The following PPP2R1A variants were observed in gnomAD, a reference collection of about 807,000 sequenced individuals.
PPP2R1A encodes protein phosphatase 2 scaffold subunit Aalpha.
In PPP2R1A, 15 loss-of-function variants were observed where a neutral mutation model predicts 67.1. That is an observed-to-expected ratio of 0.22 (90% CI 0.15 to 0.34). The LOEUF (loss-of-function observed/expected upper bound fraction) is 0.34. PPP2R1A is among the 10% of genes least tolerant of loss of function. The pLI is 1.00. For missense variants in PPP2R1A, 369 were observed against 775.0 expected (o/e 0.48, Z 6.22); for synonymous variants, 337 against 325.0 (o/e 1.04, Z -0.40).
In PPP2R1A at chr19:52,216,478, G is replaced by A. The variant is rs779272505; in HGVS notation, c.994-51G>A. 7.5e-6 allele frequency: 12 copies of A among 1,610,526 alleles called. No homozygotes were observed. Among genetic ancestry groups the A allele is most frequent in the Non-Finnish European group, 1.0e-5 (12 of 1,177,694 alleles). ...GGAGTTGGCATCTGCTTAGCCACTT[G>A]CTGCTGCAGGGGTTGCACTGACCCC... On this transcript the variant is annotated intron_variant, in intron 8 of 14. Coordinates refer to ENST00000322088, the MANE Select transcript of PPP2R1A (RefSeq NM_014225.6). This position sits in a 1 kb window ranked among gnomAD's most constrained non-coding sequence, Gnocchi z 4.3.
At chr19:52,221,236 T>C in intron 12 of PPP2R1A, 103 bp downstream of exon 12, 1 of 1,467,402 alleles carries the variant, frequency 6.8e-7, no homozygotes, top group African/African-American at 1.4e-5. Context: ...GGCTTGGGAA[T>C]GGAGACATGG....
intron 3 of PPP2R1A, among the ~76,000 whole-genome samples, chr19:52,210,562 G>T (rs776869176): frequency 6.7e-6 from 1 of 149,026 alleles, no homozygotes; most frequent in Non-Finnish European, 1.5e-5. Flanking sequence ...GTGCGATCTC[G>T]GCTTACTGCA....
At position 52,211,601 on chromosome 19, in the gene PPP2R1A, C is replaced by T. The variant is rs2089671468; in HGVS notation, c.503+109C>T. 8.9e-7 allele frequency: 1 copy of T among 1,121,778 alleles called. No homozygotes were observed. The highest frequency in any genetic ancestry group is 2.5e-5 in the Admixed American group (1 of 40,694). 69.5% of individuals were successfully genotyped at this position (1,121,778 alleles called of 1,614,324 possible). On this transcript the variant is annotated intron_variant, in intron 4 of 14. Transcript: ENST00000322088. This position sits in a 1 kb window ranked among gnomAD's most constrained non-coding sequence, Gnocchi z 5.3. ...TGGGGCCCAAATGCCCCTGAACTCT[C>T]TCCACTCCCACTCCTGCTTACCACC...
chr19:52,216,099 A>G lies in PPP2R1A; in HGVS notation c.993+25A>G, dbSNP rs758134324. On this transcript the variant is annotated intron_variant, in intron 8 of 14. Coordinates refer to ENST00000322088, the MANE Select transcript of PPP2R1A (RefSeq NM_014225.6). This position sits in a 1 kb window ranked among gnomAD's most constrained non-coding sequence, Gnocchi z 4.3. ...GGTAACAGAGAGTTTGATGGGAGGA[A>G]CCAAGTGGATCCGAGCCTGCCAAAA... The G allele has an allele frequency of 1.3e-6, 2 of 1,599,640 alleles. No individual in the cohort carries two copies. Among genetic ancestry groups the G allele is most frequent in the Non-Finnish European group, 1.7e-6 (2 of 1,166,878 alleles).
chr19:52,211,557 A>G lies in PPP2R1A; in HGVS notation c.503+65A>G. On this transcript the variant is annotated intron_variant, in intron 4 of 14. Coordinates refer to ENST00000322088, the MANE Select transcript of PPP2R1A (RefSeq NM_014225.6). This position sits in a 1 kb window ranked among gnomAD's most constrained non-coding sequence, Gnocchi z 5.3. ...CAGCTCCAACCTTCTCTAAAGCCTC[A>G]GACTCCTTTTGGTCTAGCTGGGGCC... 6.6e-7 allele frequency: 1 copy of G among 1,514,828 alleles called. No individual in the cohort carries two copies. The allele number at this position is 1,514,828 out of a possible 1,614,324, so 93.8% of individuals were successfully genotyped here. A position where few individuals can be genotyped will look rare whatever the true frequency, so the allele number is the denominator to read the frequency against.
intron 3 of PPP2R1A, among the ~76,000 whole-genome samples, chr19:52,210,911 T>C (rs188803217): frequency 2.0e-5 from 3 of 152,214 alleles, no homozygotes; most frequent in African/African-American, 4.8e-5. Context: ...TTCTACACAG[T>C]GTCAGTGATG....
Position 52,212,434 on chromosome 19 carries a change from A to G in PPP2R1A, c.504-252A>G. 1.9e-6 allele frequency: 1 copy of G among 523,528 alleles called. No individual in the cohort carries two copies. Among genetic ancestry groups the G allele is most frequent in the South Asian group, 2.3e-5 (1 of 44,444 alleles). 32.4% of individuals were successfully genotyped at this position (523,528 alleles called of 1,614,324 possible). A position where few individuals can be genotyped will look rare whatever the true frequency, so the allele number is the denominator to read the frequency against. On this transcript the variant is annotated intron_variant, in intron 4 of 14. Coordinates refer to ENST00000322088, the MANE Select transcript of PPP2R1A (RefSeq NM_014225.6). The surrounding 1 kb of genome is among the most constrained non-coding windows in gnomAD (Gnocchi z 4.1). ...AATGATGTAATCGTCAGCACTTAGC[A>G]TTGACTAGATTTATTATGCGCAATC...
At position 52,215,773 on chromosome 19, in the gene PPP2R1A, C is replaced by A. The variant is rs1023697423; in HGVS notation, c.808-6C>A. The A allele has an allele frequency of 6.8e-6, 11 of 1,612,498 alleles. No homozygotes were observed. The highest frequency in any genetic ancestry group is 1.3e-5 in the African/African-American group (1 of 74,874). On this transcript the variant is annotated splice_polypyrimidine_tract_variant and splice_region_variant and intron_variant, in intron 6 of 14. Coordinates refer to ENST00000322088, the MANE Select transcript of PPP2R1A (RefSeq NM_014225.6). ...TCACTCTCCCCCTCCTCCTTCCTGT[C>A]TGCAGCTCCAGAAAGCAGTGGGGCC...
At chr19:52,222,415 C>G (rs1568599322) in intron 13 of PPP2R1A, 174 bp downstream of exon 13, 2 of 959,716 alleles carry the variant, frequency 2.1e-6, no homozygotes, top group East Asian at 6.0e-5. Context: ...AAATGAACAT[C>G]ACAGCATGAA....
intron 13 of PPP2R1A, 27 bp from the exon 14 acceptor site, chr19:52,225,690 C>T (rs1464337873): frequency 6.2e-7 from 1 of 1,606,812 alleles, no homozygotes; most frequent in Admixed American, 1.7e-5. Flanking sequence ...CTCACCCTCT[C>T]TCTCCCTGTC....
rs1164158003 is a variant in PPP2R1A at position 52,227,416 on chromosome 19, A to G, written c.*1435A>G. ...CATGCCAGTACTGTCACCTGGGAGA[A>G]TTAAACTGGTCAAGTGCCTGTTCGT... is the stretch of plus-strand genomic sequence containing the variant. On this transcript the variant is annotated 3_prime_UTR_variant, in exon 15 of 15. Transcript: ENST00000322088. The G allele has an allele frequency of 6.6e-6, 1 of 152,226 alleles. No homozygotes were observed. Among genetic ancestry groups the G allele is most frequent in the Non-Finnish European group, 1.5e-5 (1 of 68,058 alleles). The allele number at this position is 152,226 out of a possible 1,614,324, so 9.4% of individuals were successfully genotyped here.
intron 1 of PPP2R1A, chr19:52,200,149 G>T (rs2089533542): frequency 6.6e-6 from 1 of 152,218 alleles, no homozygotes; most frequent in Admixed American, 6.5e-5. Context: ...ACCTCGCCCT[G>T]TCCCTACCTG....
intron 13 of PPP2R1A, chr19:52,222,506 A>G (rs1344727198): frequency 2.8e-6 from 1 of 351,028 alleles, no homozygotes; most frequent in Non-Finnish European, 5.1e-6. Flanking sequence ...TATGTTTTAT[A>G]TGTAAGTATG....
intron 12 of PPP2R1A, among the ~76,000 whole-genome samples, 173 bp downstream of exon 12, chr19:52,221,306 C>A (rs1204138181): frequency 6.6e-6 from 1 of 152,100 alleles, no homozygotes; most frequent in African/African-American, 2.4e-5. Context: ...GGTGGGGCTC[C>A]CAGGGTCAGG....
Position 52,213,011 on chromosome 19 carries a change from C to G in PPP2R1A, c.708C>G (p.Pro236=), listed in dbSNP as rs2122338058. 1 of 1,612,280 alleles carries G rather than the reference C, an allele frequency of 6.2e-7. No homozygotes were observed. The highest frequency in any genetic ancestry group is 8.5e-7 in the Non-Finnish European group (1 of 1,179,558). Residue 236 remains proline (P), a synonymous_variant, in exon 6 of 15, where the codon CCC becomes CCG. Transcript: ENST00000322088. This position sits in a 1 kb window ranked among gnomAD's most constrained non-coding sequence, Gnocchi z 4.2. ...GCGTGAACATCGCCCAGCTTCTGCC[C>G]CAGGAGGATCTGGAGGCCCTGGTGA... ...EACVNIAQLL[P]QEDLEALVMP...
chr19:52,227,303 C>T lies in PPP2R1A; in HGVS notation c.*1322C>T, dbSNP rs973029912. ...CAGATGGCTGGAGTAGGAGCTGCCA[C>T]CTGGGGCCAGAAAATGATCTTAGGC... On this transcript the variant is annotated 3_prime_UTR_variant, in exon 15 of 15. Transcript: ENST00000322088. The T allele has an allele frequency of 6.6e-6, 1 of 152,190 alleles. No homozygotes were observed. Among genetic ancestry groups the T allele is most frequent in the Non-Finnish European group, 1.5e-5 (1 of 68,080 alleles). 9.4% of individuals were successfully genotyped at this position (152,190 alleles called of 1,614,324 possible).
chr19:52,198,045 G>A (rs1010683500), intron 1 of PPP2R1A, among the ~76,000 whole-genome samples: 4 of 152,276 alleles, frequency 2.6e-5, no homozygotes, highest in East Asian at 1.9e-4. Context: ...TGGTTGCCAC[G>A]GCTGCCATTA....
rs1222036121 is a variant in PPP2R1A at position 52,227,135 on chromosome 19, T to G, written c.*1154T>G. 6.6e-6 allele frequency: 1 copy of G among 152,198 alleles called. No individual in the cohort carries two copies. Among genetic ancestry groups the G allele is most frequent in the African/African-American group, 2.4e-5 (1 of 41,438 alleles). 9.4% of individuals were successfully genotyped at this position (152,198 alleles called of 1,614,324 possible). A position where few individuals can be genotyped will look rare whatever the true frequency, so the allele number is the denominator to read the frequency against. On this transcript the variant is annotated 3_prime_UTR_variant, in exon 15 of 15. Coordinates refer to ENST00000322088, the MANE Select transcript of PPP2R1A (RefSeq NM_014225.6). ...ATTCAAGGTATTTTCCTAGTGTCTC[T>G]TGAAATTAGGTGTGGTATTGTGACC...
At chr19:52,209,834 G>A (rs1166967497) in intron 3 of PPP2R1A, among the ~76,000 whole-genome samples, 1 of 152,228 alleles carries the variant, frequency 6.6e-6, no homozygotes, top group African/African-American at 2.4e-5. Context: ...TGTGTTACAT[G>A]AGACTTCTCA....
Sources: gnomAD v4.1 joint callset for allele counts (sites outside exome capture counted in the v4.1 genomes callset) on GRCh38, gnomAD v4.1.1 for gene constraint, Gnocchi (gnomAD v3.1) non-coding constraint, MANE v1.5 for transcripts, NCBI Gene and HGNC (gene_info 2026-07-23, HGNC 2026-07-21) for gene names.